Variants in CNTN5 observed in about 807,000 individuals in gnomAD.
The protein encoded by CNTN5 is contactin 5.
A neutral mutation model predicts 129.1 loss-of-function variants in CNTN5; 77 were observed. That is an observed-to-expected ratio of 0.60 (90% confidence interval 0.50 to 0.72). CNTN5 has a LOEUF of 0.72. Among genes scored for constraint, CNTN5 ranks in the 30% least tolerant of loss-of-function variants. The pLI is 0.00. For synonymous variants in CNTN5, 509 were observed against 465.6 expected (o/e 1.09, Z -1.20); for missense variants, 1,478 against 1,328.8 (o/e 1.11, Z -1.75).
intron 2 of CNTN5, among the ~76,000 whole-genome samples, chr11:99,382,200 G>A (rs757021349): frequency 3.3e-5 from 5 of 152,226 alleles, no homozygotes; most frequent in African/African-American, 4.8e-5. Context: ...CTTCCAGAAC[G>A]TGTTGCTAAG....
intron 1 of CNTN5, among the ~76,000 whole-genome samples, chr11:99,313,172 C>T (rs1240631127): frequency 6.7e-6 from 1 of 150,196 alleles, no homozygotes; most frequent in Non-Finnish European, 1.5e-5. Context: ...GAATAGAAAT[C>T]AAATAGAAAT....
At chr11:99,463,403 A>C (rs1461529561) in intron 2 of CNTN5, among the ~76,000 whole-genome samples, 2 of 139,154 alleles carry the variant, frequency 1.4e-5, no homozygotes, top group Admixed American at 7.9e-5. Flanking sequence ...GCGCCACTGC[A>C]CTCCAACCTG....
At chr11:99,893,064 T>G (rs1376796778) in intron 6 of CNTN5, among the ~76,000 whole-genome samples, 1 of 152,062 alleles carries the variant, frequency 6.6e-6, no homozygotes, top group East Asian at 1.9e-4. Flanking sequence ...AGCAAATGTT[T>G]CCAGGAAAGA....
intron 3 of CNTN5, among the ~76,000 whole-genome samples, chr11:99,562,930 T>C (rs1339356351): frequency 3.3e-5 from 5 of 152,168 alleles, no homozygotes; most frequent in Admixed American, 3.3e-4. Context: ...GAGCTAAAAG[T>C]AAATCTGTGA....
At chr11:99,042,476 C>T (rs1864033905) in intron 1 of CNTN5, among the ~76,000 whole-genome samples, 1 of 147,320 alleles carries the variant, frequency 6.8e-6, no homozygotes, top group Non-Finnish European at 1.5e-5. Context: ...CCTGGGTTCA[C>T]ACCATTCTCC....
At chr11:99,396,696 C>T (rs540094686) in intron 2 of CNTN5, among the ~76,000 whole-genome samples, 43 of 151,562 alleles carry the variant, frequency 2.8e-4, no homozygotes, top group Middle Eastern at 3.4e-3. Context: ...TTGTATTTAG[C>T]GGTACTATAG....
At chr11:99,679,037 AT>A (rs1347072745) in intron 3 of CNTN5, among the ~76,000 whole-genome samples, 1 of 147,012 alleles carries the variant, frequency 6.8e-6, no homozygotes, top group African/African-American at 2.5e-5. Flanking sequence ...TATATATAAA[AT>A]ATATGCATTT....
intron 3 of CNTN5, among the ~76,000 whole-genome samples, chr11:99,679,547 T>A (rs1953461900): frequency 6.6e-6 from 1 of 152,132 alleles, no homozygotes; most frequent in Non-Finnish European, 1.5e-5. Context: ...TGCACCCATA[T>A]AAGACTGTAA....
chr11:99,079,698 C>A (rs938335571), intron 1 of CNTN5, among the ~76,000 whole-genome samples: 1 of 152,174 alleles, frequency 6.6e-6, no homozygotes, highest in African/African-American at 2.4e-5. Context: ...AACAAATTAA[C>A]TTTAGGTCCT....
chr11:100,221,520 C>G (rs1287542118), intron 15 of CNTN5, among the ~76,000 whole-genome samples: 1 of 152,156 alleles, frequency 6.6e-6, no homozygotes, highest in Non-Finnish European at 1.5e-5. Context: ...TGTTTTATTT[C>G]AGTCATTAGT....
intron 3 of CNTN5, among the ~76,000 whole-genome samples, chr11:99,765,608 G>A (rs1308381242): frequency 6.6e-6 from 1 of 150,920 alleles, no homozygotes; most frequent in African/African-American, 2.4e-5. Flanking sequence ...TGGGGTCATT[G>A]AGACATATCT....
chr11:100,031,937 G>A lies in CNTN5; in HGVS notation c.981-29275G>A, dbSNP rs939838879. ...ATTGGTGGCACCACGGGACCAGAAG[G>A]TGGTGACCCCCCTGGACCCAGCTTT... On this transcript the variant is annotated intron_variant, in intron 9 of 24. Transcript: ENST00000524871. Among the ~76,000 whole-genome samples, 6 of 150,988 alleles carry A rather than the reference G, an allele frequency of 4.0e-5. No homozygotes were observed. In the South Asian group the frequency reaches 1.2e-3, roughly 31 times the overall value.
At chr11:99,593,678 G>A (rs4619118) in intron 3 of CNTN5, among the ~76,000 whole-genome samples, 5 of 151,992 alleles carry the variant, frequency 3.3e-5, no homozygotes, top group Non-Finnish European at 5.9e-5. Flanking sequence ...CAAATTTTAG[G>A]TTGTTTTGTT....
chr11:99,484,486 C>A (rs918486604), intron 2 of CNTN5, among the ~76,000 whole-genome samples: 14 of 152,080 alleles, frequency 9.2e-5, no homozygotes, highest in Non-Finnish European at 1.6e-4. Flanking sequence ...CTCAGAAAAA[C>A]TATAAACAGT....
intron 6 of CNTN5, among the ~76,000 whole-genome samples, chr11:99,876,840 G>A (rs1160394903): frequency 6.6e-6 from 1 of 152,094 alleles, no homozygotes; most frequent in African/African-American, 2.4e-5. Context: ...GAATATGATT[G>A]AACTCCATCA....
chr11:100,319,300 G>C (rs187073208), intron 21 of CNTN5, among the ~76,000 whole-genome samples: 1 of 151,848 alleles, frequency 6.6e-6, no homozygotes, highest in African/African-American at 2.4e-5. Flanking sequence ...TTACAGGCAC[G>C]CACCACTGTG....
rs1952135015 is a variant in CNTN5 at position 100,340,537 on chromosome 11, C to T, written c.2805C>T (p.Val935=). ...AAACTAGAGGGAATGAGTCTTTCGT[C>T]ATCCTAACAGGATTAGAAGGAAATA... is the stretch of plus-strand genomic sequence containing the variant. ...TVKTRGNESF[V]ILTGLEGNTL... is the part of the protein sequence containing the mutation. Residue 935 remains valine, a synonymous_variant, in exon 22 of 25, where the codon GTC becomes GTT. Transcript: ENST00000524871. 1 of 1,612,968 alleles carries T rather than the reference C, an allele frequency of 6.2e-7. No homozygotes were observed. The highest frequency in any genetic ancestry group is 1.3e-5 in the African/African-American group (1 of 74,884).
chr11:100,206,381 G>C (rs1565342075), intron 15 of CNTN5, among the ~76,000 whole-genome samples: 1 of 152,054 alleles, frequency 6.6e-6, no homozygotes, highest in Admixed American at 6.6e-5. Context: ...CTGTATTAAA[G>C]AGGGCTTCTC....
chr11:100,128,840 C>T (rs934034463), intron 13 of CNTN5, among the ~76,000 whole-genome samples: 1 of 151,976 alleles, frequency 6.6e-6, no homozygotes, highest in African/African-American at 2.4e-5. Context: ...TTCTACCTGG[C>T]TACCAGGGTT....
Sources: allele counts gnomAD v4.1 joint callset (sites outside exome capture counted in the v4.1 genomes callset), GRCh38; gene constraint gnomAD v4.1.1; transcripts MANE v1.5; gene names NCBI Gene and HGNC (gene_info 2026-07-23, HGNC 2026-07-21).